ATP10D: variants seen among roughly 807,000 people sequenced by gnomAD.
ATP10D encodes ATPase phospholipid transporting 10D (putative), also known as phospholipid-transporting ATPase VD.
ATP10D carries 89 observed loss-of-function variants against 144.8 expected under a neutral mutation model. That is an observed-to-expected ratio of 0.61 (90% confidence interval 0.52 to 0.73). The LOEUF is 0.73. Ranked by LOEUF, ATP10D falls within the 30% of genes least tolerant of loss-of-function variation. The pLI is 0.00. For missense variants in ATP10D, 1,603 were observed against 1,714.8 expected, an observed-to-expected ratio of 0.93 and a Z score of 1.15; for synonymous variants, 571 against 615.1, an observed-to-expected ratio of 0.93 and a Z score of 1.06.
rs1715667917 is a variant in ATP10D at position 47,501,251 on chromosome 4, T to C, written c.-37-11253T>C. 3.3e-5 allele frequency among the ~76,000 whole-genome samples: 5 copies of C among 152,166 alleles called. No homozygotes were observed. In the South Asian group the frequency reaches 1.0e-3, roughly 32 times the overall value. On this transcript the variant is annotated intron_variant, in intron 1 of 22. Transcript: ENST00000273859. ...TGGGTAGGATCAGTGATATTGGAGT[T>C]GGGTTAAAAGTGAGTCATTTATTTG...
At chr4:47,544,987 A>T (rs900901629) in intron 9 of ATP10D, among the ~76,000 whole-genome samples, 1 of 152,202 alleles carries the variant, frequency 6.6e-6, no homozygotes. Context: ...CAAGAAAAAA[A>T]TTAGCGATAA....
chr4:47,590,964 T>G, intron 22 of ATP10D, 78 bp from the exon 23 acceptor site: 11 of 1,072,872 alleles, frequency 1.0e-5, no homozygotes, highest in South Asian at 1.8e-5. Flanking sequence ...ACTTTTTTAA[T>G]TCGTTAGTAT....
chr4:47,515,640 TC>T lies in ATP10D; in HGVS notation c.456del (p.Asn153IlefsTer3), dbSNP rs781751759. 3.1e-6 allele frequency: 5 copies of T among 1,610,090 alleles called. No homozygotes were observed. In the Admixed American group the frequency reaches 5.0e-5, roughly 16 times the overall value. On this transcript the variant is annotated frameshift_variant, in exon 3 of 23. Transcript: ENST00000273859. LOFTEE classifies it high-confidence loss of function. ...DYRKYKIDKQ[I>X]NNLITKVYSR... ...CGGAAATACAAAATTGACAAACAGATCAATAATTTAATAACTAAAGTTTATA... is the reference window on the plus strand; with the variant it reads ...CGGAAATACAAAATTGACAAACAGATAATAATTTAATAACTAAAGTTTATA...
chr4:47,550,878 C>T (rs1321845686), intron 10 of ATP10D, among the ~76,000 whole-genome samples: 1 of 151,976 alleles, frequency 6.6e-6, no homozygotes, highest in South Asian at 2.1e-4. Context: ...GGACAGCGAG[C>T]GAAAGCTCAG....
At chr4:47,565,109 A>C (rs1400056720) in intron 15 of ATP10D, among the ~76,000 whole-genome samples, 3 of 151,942 alleles carry the variant, frequency 2.0e-5, no homozygotes, top group Admixed American at 6.6e-5. Flanking sequence ...CAGGCTCCCG[A>C]CACCACGCCC....
intron 1 of ATP10D, among the ~76,000 whole-genome samples, chr4:47,496,164 T>TC (rs1560407430): frequency 1.1e-5 from 1 of 91,484 alleles, no homozygotes. Flanking sequence ...TTCTTTTTTT[T>TC]TTTTTTTTTT....
At chr4:47,587,660 T>C (rs925813804) in intron 22 of ATP10D, among the ~76,000 whole-genome samples, 16 of 152,244 alleles carry the variant, frequency 1.1e-4, no homozygotes, top group African/African-American at 2.4e-4. Context: ...AATTCCAAGA[T>C]GGCACCTTGA....
intron 9 of ATP10D, among the ~76,000 whole-genome samples, chr4:47,538,122 T>C (rs1717944181): frequency 6.6e-6 from 1 of 152,210 alleles, no homozygotes; most frequent in South Asian, 2.1e-4. Flanking sequence ...CTGTGTGATT[T>C]TTACAGACAA....
chr4:47,552,283 CA>C (rs1279744192), intron 10 of ATP10D, among the ~76,000 whole-genome samples: 2 of 152,156 alleles, frequency 1.3e-5, no homozygotes, highest in African/African-American at 2.4e-5. Context: ...ACGTTGACTA[CA>C]TAAATAGTGT....
rs115582150 is a variant in ATP10D at position 47,574,894 on chromosome 4, G to A, written c.3367-1879G>A. Among the ~76,000 whole-genome samples, 10 of 152,156 alleles carry A rather than the reference G, an allele frequency of 6.6e-5. No individual in the cohort carries two copies. In the East Asian group the frequency reaches 1.5e-3, roughly 24 times the overall value. On this transcript the variant is annotated intron_variant, in intron 18 of 22. Coordinates refer to ENST00000273859, the MANE Select transcript of ATP10D (RefSeq NM_020453.4). ...CAGCTCACTGCAACCTCTGCCTCCC[G>A]AGGTCAAGCTAACCTCCCGCCTCAG...
intron 3 of ATP10D, among the ~76,000 whole-genome samples, chr4:47,517,348 G>A (rs980077904): frequency 1.3e-5 from 2 of 152,182 alleles, no homozygotes; most frequent in African/African-American, 4.8e-5. Flanking sequence ...CCCGGGAGGT[G>A]GAGGTTGCAG....
chr4:47,580,318 TG>T, intron 19 of ATP10D, 79 bp from the exon 20 acceptor site: 1 of 1,117,174 alleles, frequency 9.0e-7, no homozygotes, highest in African/African-American at 1.5e-5. Context: ...GAGAAACAAA[TG>T]TAAGTACTGG....
chr4:47,508,592 C>T (rs1023190499), intron 1 of ATP10D, among the ~76,000 whole-genome samples: 3 of 152,244 alleles, frequency 2.0e-5, no homozygotes, highest in Admixed American at 1.3e-4. Flanking sequence ...GAGCAAAGTG[C>T]TCATTCCTTC....
At chr4:47,534,909 C>A (rs1436911999) in intron 5 of ATP10D, among the ~76,000 whole-genome samples, 1 of 152,014 alleles carries the variant, frequency 6.6e-6, no homozygotes, top group Non-Finnish European at 1.5e-5. Flanking sequence ...ACAGAATCAA[C>A]CCAAATCCCC....
chr4:47,530,433 C>G (rs1717502484), intron 5 of ATP10D, among the ~76,000 whole-genome samples: 1 of 148,932 alleles, frequency 6.7e-6, no homozygotes, highest in South Asian at 2.2e-4. Flanking sequence ...GTTGTTGTTG[C>G]TGTTGTTGTT....
intron 9 of ATP10D, among the ~76,000 whole-genome samples, chr4:47,541,260 A>G (rs954124806): frequency 6.6e-6 from 1 of 152,212 alleles, no homozygotes; most frequent in African/African-American, 2.4e-5. Context: ...AATAAGAAAT[A>G]GGCCTATCTC....
chr4:47,536,807 C>G lies in ATP10D; in HGVS notation c.1265C>G (p.Ala422Gly). Residue 422 changes from alanine (A) to glycine (G), a missense_variant, in exon 9 of 23, where the codon GCC (alanine) becomes GGC (glycine). Physicochemically the swap from Ala to Gly is moderately conservative, Grantham distance 60. Transcript: ENST00000273859. ...ATGGATTCTATTGTTCAGTGCCGAG[C>G]CCTGAACATCGCCGAGGATCTGGGA... ...EKMDSIVQCR[A>G]LNIAEDLGQI... 6.2e-7 allele frequency: 1 copy of G among 1,613,234 alleles called. No homozygotes were observed. The highest frequency in any genetic ancestry group is 8.5e-7 in the Non-Finnish European group (1 of 1,179,644).
At chr4:47,516,162 G>C (rs1370069490) in intron 3 of ATP10D, among the ~76,000 whole-genome samples, 2 of 151,920 alleles carry the variant, frequency 1.3e-5, no homozygotes, top group Non-Finnish European at 2.9e-5. Flanking sequence ...CCCAGGAGGG[G>C]GAGGTTGCAG....
At chr4:47,497,291 A>C (rs1715438731) in intron 1 of ATP10D, among the ~76,000 whole-genome samples, 1 of 152,170 alleles carries the variant, frequency 6.6e-6, no homozygotes, top group Non-Finnish European at 1.5e-5. Flanking sequence ...TCCCGTCTCT[A>C]CTAAAAATAC....
Sources: gnomAD v4.1 joint callset for allele counts (sites outside exome capture counted in the v4.1 genomes callset) on GRCh38, gnomAD v4.1.1 for gene constraint, MANE v1.5 for transcripts, NCBI Gene and HGNC (gene_info 2026-07-23, HGNC 2026-07-21) for gene names.